The following ATXN2L variants were observed in gnomAD, a reference collection of about 807,000 sequenced individuals.
ATXN2L encodes the protein ataxin-2-like protein.
A neutral mutation model predicts 120.7 loss-of-function variants in ATXN2L; 24 were observed. The observed-to-expected ratio is 0.20, with a 90% confidence interval of 0.14 to 0.28. ATXN2L has a LOEUF of 0.28. ATXN2L is among the 10% of genes least tolerant of loss of function. The pLI is 1.00. For synonymous variants in ATXN2L, 653 were observed against 568.1 expected (o/e 1.15, Z -2.13); for missense variants, 1,312 against 1,432.3 (o/e 0.92, Z 1.36).
rs377548200 is a variant in ATXN2L, at chr16:28,832,302, C to T, written c.1419C>T (p.Thr473=). ...CTCCCATCGGCTCGGCAGTGCCAAC[C>T]TCTTCAGCCTCCATCCCTGTGACCT... ...PEPPIGSAVP[T]SSASIPVTSS... is the part of the protein sequence containing the mutation. Residue 473 remains threonine (T), a synonymous_variant, in exon 11 of 22, where the codon ACC becomes ACT. Transcript: ENST00000336783. 2.2e-5 allele frequency: 36 copies of T among 1,614,060 alleles called. No homozygotes were observed. Among genetic ancestry groups the T allele is most frequent in the Non-Finnish European group, 2.8e-5 (33 of 1,180,044 alleles).
intron 5 of ATXN2L, 110 bp from the exon 6 acceptor site, chr16:28,826,752 A>G (rs12448482): frequency 0.68 from 898,730 of 1,320,450 alleles, 310,162 homozygotes; most frequent in African/African-American, 0.93. Context: ...CGTACTCTGG[A>G]CTTCTTAAAC....
In ATXN2L at chr16:28,835,625, G is replaced by C; in HGVS notation, c.2762G>C (p.Gly921Ala). ...QNLYHPGALT[G>A]TPPSLPPGPS... ...CTGTACCACCCAGGGGCCCTGACAGGCACGCCGCCCTCTCTGCCACCGGGA... is the reference window on the plus strand; with the variant it reads ...CTGTACCACCCAGGGGCCCTGACAGCCACGCCGCCCTCTCTGCCACCGGGA... The change falls in exon 21 of 22, where the codon GGC becomes GCC. Residue 921 changes from glycine (G) to alanine (A), a missense_variant. By Grantham distance (60) the Gly-to-Ala change is moderately conservative. Transcript: ENST00000336783. 2 of 1,613,990 alleles carry C rather than the reference G, an allele frequency of 1.2e-6. No homozygotes were observed. The highest frequency in any genetic ancestry group is 1.7e-6 in the Non-Finnish European group (2 of 1,179,962).
At position 28,836,389 on chromosome 16, in the gene ATXN2L, G is replaced by A. The variant is rs752191846; in HGVS notation, c.*124G>A. 1 of 1,613,402 alleles carries A rather than the reference G, an allele frequency of 6.2e-7. No individual in the cohort carries two copies. Among genetic ancestry groups the A allele is most frequent in the East Asian group, 2.2e-5 (1 of 44,826 alleles). ...GGGCTTGCTCCTGGCTCTGTCCTTT[G>A]CTTCCCTCCGTCCTCGCTCAGTTGT... On this transcript the variant is annotated 3_prime_UTR_variant, in exon 22 of 22. Coordinates refer to ENST00000336783, the MANE Select transcript of ATXN2L (RefSeq NM_007245.4).
chr16:28,823,990 C>T (rs1282494610), intron 1 of ATXN2L: 1 of 561,324 alleles, frequency 1.8e-6, no homozygotes, highest in Non-Finnish European at 2.3e-6. Flanking sequence ...GCGCGGCCCA[C>T]AGTTTGGCCA....
intron 12 of ATXN2L, 67 bp from the exon 13 acceptor site, chr16:28,832,750 G>A: frequency 1.3e-6 from 2 of 1,534,824 alleles, no homozygotes; most frequent in Non-Finnish European, 1.8e-6. Context: ...CTGTTCTTTT[G>A]GCACTGTGTA....
Position 28,823,295 on chromosome 16 carries a change from GC to G in ATXN2L, c.40del (p.Gln14SerfsTer124). 3 of 1,494,704 alleles carry G rather than the reference GC, an allele frequency of 2.0e-6. No homozygotes were observed. The highest frequency in any genetic ancestry group is 2.2e-5 in the Admixed American group (1 of 45,376). 92.6% of individuals were successfully genotyped at this position (1,494,704 alleles called of 1,614,324 possible). A position where few individuals can be genotyped will look rare whatever the true frequency, so the allele number is the denominator to read the frequency against. On this transcript the variant is annotated frameshift_variant, in exon 1 of 22. Transcript: ENST00000336783. LOFTEE classifies it high-confidence loss of function. ...KPQPLQQPSQPQQPPPTQQAV... is the reference protein window; with the variant it reads ...KPQPLQQPSQXQQPPPTQQAV... ...CTCAGCCGCTACAACAGCCCTCCCA[GC>G]CCCAGCAGCCGCCCCCCACGCAACA...
At chr16:28,835,806 C>CTGCCATGGGG in intron 21 of ATXN2L, 48 bp downstream of exon 21, 1 of 1,610,412 alleles carries the variant, frequency 6.2e-7, no homozygotes, top group Non-Finnish European at 8.5e-7. Context: ...CAGGGCCCGT[C>CTGCCATGGGG]TGCCATGGGG....
Position 28,836,876 on chromosome 16 carries a change from C to T in ATXN2L, c.*611C>T. The T allele has an allele frequency of 1.5e-6, 2 of 1,300,358 alleles. No homozygotes were observed. Among genetic ancestry groups the T allele is most frequent in the Non-Finnish European group, 2.2e-6 (2 of 919,304 alleles). The allele number at this position is 1,300,358 out of a possible 1,614,324, so 80.6% of individuals were successfully genotyped here. A position where few individuals can be genotyped will look rare whatever the true frequency, so the allele number is the denominator to read the frequency against. ...TCGGACCACTCCCAGCCCCCCATCC[C>T]CCCGTTCCCCAGGGGAGCTGGGGAA... On this transcript the variant is annotated 3_prime_UTR_variant, in exon 22 of 22. Transcript: ENST00000336783.
intron 2 of ATXN2L, 103 bp downstream of exon 2, chr16:28,825,505 G>T: frequency 1.3e-6 from 2 of 1,534,090 alleles, no homozygotes; most frequent in Non-Finnish European, 1.8e-6. Flanking sequence ...ATGTACTCAG[G>T]AGGGCTGTGG....
chr16:28,832,508 C>A lies in ATXN2L; in HGVS notation c.1529C>A (p.Ser510Tyr). 1 of 1,614,196 alleles carries A rather than the reference C, an allele frequency of 6.2e-7. No individual in the cohort carries two copies. Among genetic ancestry groups the A allele is most frequent in the Admixed American group, 1.7e-5 (1 of 60,012 alleles). The change falls in exon 12 of 22, where the codon TCT (serine) becomes TAT (tyrosine). Residue 510 changes from serine to tyrosine, a missense_variant. Coordinates refer to ENST00000336783, the MANE Select transcript of ATXN2L (RefSeq NM_007245.4). ...TTTACTTGAACAGTAAAAGAACTCT[C>A]TACCAAGGAACCTGGGAGAACTCTG... Reference protein sequence around the residue: ...SLAPTDVKELSTKEPGRTLEP... With the variant: ...SLAPTDVKELYTKEPGRTLEP...
chr16:28,834,785 G>T, intron 18 of ATXN2L, 92 bp downstream of exon 18: 1 of 1,438,138 alleles, frequency 7.0e-7, no homozygotes, highest in East Asian at 2.3e-5. Context: ...AGGGGTGGCA[G>T]GCAGTGTTGT....
rs200467288 is a variant in ATXN2L, at chr16:28,832,258, T to C, written c.1375T>C (p.Ser459Pro). 17 of 1,613,990 alleles carry C rather than the reference T, an allele frequency of 1.1e-5. No homozygotes were observed. Among genetic ancestry groups the C allele is most frequent in the Non-Finnish European group, 8.5e-7 (1 of 1,180,040 alleles). ...SPKSAAPAPI[S>P]ASCPEPPIGS... ...CAAGTCTGCTGCCCCTGCCCCAATC[T>C]CAGCTTCCTGTCCAGAGCCTCCCAT... is the stretch of plus-strand genomic sequence containing the variant. Residue 459 changes from serine to proline, a missense_variant, in exon 11 of 22, where the codon TCA becomes CCA. By Grantham distance (74) the Ser-to-Pro change is moderately conservative. Coordinates refer to ENST00000336783, the MANE Select transcript of ATXN2L (RefSeq NM_007245.4).
chr16:28,832,662 A>G (rs895531192), intron 12 of ATXN2L, 95 bp downstream of exon 12: 1 of 1,440,974 alleles, frequency 6.9e-7, no homozygotes, highest in South Asian at 1.2e-5. Context: ...GAGGCAAACA[A>G]TGTCTATCAG....
Position 28,826,853 on chromosome 16 carries a change from C to A in ATXN2L, c.617-9C>A. 6.4e-7 allele frequency: 1 copy of A among 1,564,070 alleles called. No homozygotes were observed. The highest frequency in any genetic ancestry group is 8.7e-7 in the Non-Finnish European group (1 of 1,149,952). On this transcript the variant is annotated splice_polypyrimidine_tract_variant and intron_variant, in intron 5 of 21. Coordinates refer to ENST00000336783, the MANE Select transcript of ATXN2L (RefSeq NM_007245.4). ...GCCTGACTCCTGATCTTCACCTCTG[C>A]CCCCACAGACAAGTTCACCGATTCA...
chr16:28,823,129 C>T lies in ATXN2L; in HGVS notation c.-131C>T. ...TCTCTCCACCCCCGACACCGCGGGG[C>T]TCCCCCCGCCCGCCCACGGCGGGCC... On this transcript the variant is annotated 5_prime_UTR_variant, in exon 1 of 22. Coordinates refer to ENST00000336783, the MANE Select transcript of ATXN2L (RefSeq NM_007245.4). 3.6e-6 allele frequency: 1 copy of T among 278,450 alleles called. No homozygotes were observed. The allele number at this position is 278,450 out of a possible 1,614,324, so 17.2% of individuals were successfully genotyped here.
At position 28,833,350 on chromosome 16, in the gene ATXN2L, G is replaced by C. The variant is rs1170359925; in HGVS notation, c.1951G>C (p.Ala651Pro). ...KGEDKDEGPVAEQVKKSTLNP... is the reference protein window; with the variant it reads ...KGEDKDEGPVPEQVKKSTLNP... ...AGAAGACAAAGATGAGGGCCCTGTTGCTGAGTGAGTGGAGCGGGGTGGGGC... is the reference window on the plus strand; with the variant it reads ...AGAAGACAAAGATGAGGGCCCTGTTCCTGAGTGAGTGGAGCGGGGTGGGGC... Residue 651 changes from alanine to proline, a missense_variant, in exon 14 of 22, where the codon GCT becomes CCT. Ala to Pro is a conservative substitution (Grantham distance 27). Coordinates refer to ENST00000336783, the MANE Select transcript of ATXN2L (RefSeq NM_007245.4). The C allele has an allele frequency of 5.6e-6, 9 of 1,613,180 alleles. No homozygotes were observed. The highest frequency in any genetic ancestry group is 1.1e-5 in the South Asian group (1 of 91,042).
intron 20 of ATXN2L, 68 bp from the exon 21 acceptor site, chr16:28,835,481 G>C (rs1229049778): frequency 8.7e-6 from 14 of 1,610,652 alleles, no homozygotes; most frequent in Middle Eastern, 1.9e-4. Context: ...GGTCATTTCT[G>C]AGTGGCGAGG....
In ATXN2L at chr16:28,836,470, T is replaced by A; in HGVS notation, c.*205T>A. 6.2e-7 allele frequency: 1 copy of A among 1,611,502 alleles called. No homozygotes were observed. Among genetic ancestry groups the A allele is most frequent in the Non-Finnish European group, 8.5e-7 (1 of 1,178,936 alleles). Reference sequence around the variant, plus strand: ...CCAGCTCTCAGTGACCCCGACTGTCTCCTGACTTAGCCGAGGTAAGGTCAG... The same window carrying A: ...CCAGCTCTCAGTGACCCCGACTGTCACCTGACTTAGCCGAGGTAAGGTCAG... On this transcript the variant is annotated 3_prime_UTR_variant, in exon 22 of 22. Coordinates refer to ENST00000336783, the MANE Select transcript of ATXN2L (RefSeq NM_007245.4).
Position 28,829,978 on chromosome 16 carries a change from C to T in ATXN2L, c.954C>T (p.Asp318=), listed in dbSNP as rs146006885. The change falls in exon 8 of 22, where the codon GAC becomes GAT. Residue 318 remains aspartate, a synonymous_variant. Coordinates refer to ENST00000336783, the MANE Select transcript of ATXN2L (RefSeq NM_007245.4). ...GCCTACGGATCGCCATGGAGAACGA[C>T]GATGGGCGCACTGAAGAGGAGAAGC... ...QYRLRIAMEN[D]DGRTEEEKHS... 2.8e-5 allele frequency: 45 copies of T among 1,614,062 alleles called. No individual in the cohort carries two copies. The Admixed American group carries it at 3.5e-4, about 13-fold the overall frequency.
Sources: allele counts gnomAD v4.1 joint callset, GRCh38; gene constraint gnomAD v4.1.1; transcripts MANE v1.5; gene names NCBI Gene and HGNC (gene_info 2026-07-23, HGNC 2026-07-21).